SLC24A4: variants seen among roughly 807,000 people sequenced by gnomAD.
SLC24A4 encodes the protein solute carrier family 24 member 4.
A neutral mutation model predicts 79.0 loss-of-function variants in SLC24A4; 53 were observed. That is an observed-to-expected ratio of 0.67 (90% CI 0.54 to 0.84). The LOEUF (loss-of-function observed/expected upper bound fraction) is 0.84. Ranked by LOEUF, SLC24A4 falls within the 40% of genes least tolerant of loss-of-function variation. The probability of loss-of-function intolerance (pLI) is 0.00; values close to 1 mark genes in which losing one functional copy is unlikely to be tolerated. For synonymous variants in SLC24A4, 323 were observed against 323.8 expected (o/e 1.00, Z 0.03); for missense variants, 731 against 822.0 (o/e 0.89, Z 1.35).
intron 2 of SLC24A4, among the ~76,000 whole-genome samples, chr14:92,431,253 G>A (rs1891853623): frequency 1.3e-5 from 2 of 152,218 alleles, no homozygotes; most frequent in African/African-American, 2.4e-5. Flanking sequence ...GCCTGGCTGA[G>A]CTCAGTAGTA....
chr14:92,393,548 T>TTA (rs1333491159), intron 2 of SLC24A4, among the ~76,000 whole-genome samples: 1 of 120,798 alleles, frequency 8.3e-6, no homozygotes, highest in East Asian at 3.8e-4. Context: ...ACACACTCTT[T>TTA]TTTTTTTTTT....
intron 2 of SLC24A4, among the ~76,000 whole-genome samples, chr14:92,433,071 G>A (rs2139787954): frequency 6.6e-6 from 1 of 152,320 alleles, no homozygotes; most frequent in South Asian, 2.1e-4. Flanking sequence ...CCTGGCCTAG[G>A]TACTGAGGAT....
chr14:92,342,636 G>A (rs947157966), intron 2 of SLC24A4, among the ~76,000 whole-genome samples: 3 of 152,148 alleles, frequency 2.0e-5, no homozygotes, highest in Non-Finnish European at 4.4e-5. Flanking sequence ...ACCCGCCTCG[G>A]CCTCCCAAGT....
At chr14:92,334,924 C>T (rs912926432) in intron 2 of SLC24A4, among the ~76,000 whole-genome samples, 5 of 152,000 alleles carry the variant, frequency 3.3e-5, no homozygotes, top group African/African-American at 9.7e-5. Context: ...TCATCATCAT[C>T]GTCATCGAGG....
chr14:92,383,644 G>A (rs1177301358), intron 2 of SLC24A4, among the ~76,000 whole-genome samples: 1 of 152,186 alleles, frequency 6.6e-6, no homozygotes, highest in Non-Finnish European at 1.5e-5. Context: ...AACTTGCTGA[G>A]GGCAGAGAGA....
intron 12 of SLC24A4, among the ~76,000 whole-genome samples, chr14:92,467,345 T>C (rs1214013447): frequency 6.6e-6 from 1 of 152,048 alleles, no homozygotes; most frequent in Non-Finnish European, 1.5e-5. Flanking sequence ...CTTGACAAAA[T>C]CCAACACATT....
chr14:92,435,952 T>C (rs1892142504), intron 3 of SLC24A4, among the ~76,000 whole-genome samples: 2 of 152,198 alleles, frequency 1.3e-5, no homozygotes. Flanking sequence ...AAACCTCAGG[T>C]TTCTGCTGAA....
chr14:92,404,901 G>T (rs1337559638), intron 2 of SLC24A4, among the ~76,000 whole-genome samples: 1 of 151,732 alleles, frequency 6.6e-6, no homozygotes, highest in African/African-American at 2.4e-5. Context: ...CACATAATAG[G>T]TCCTCAGTAA....
At chr14:92,365,639 C>T (rs1887792043) in intron 2 of SLC24A4, among the ~76,000 whole-genome samples, 1 of 152,184 alleles carries the variant, frequency 6.6e-6, no homozygotes, top group Non-Finnish European at 1.5e-5. Context: ...CAGGCTTTTC[C>T]CCAGGGCCTG....
chr14:92,483,654 G>A (rs767213934), intron 13 of SLC24A4: 105 of 1,122,286 alleles, frequency 9.4e-5, no homozygotes, highest in Non-Finnish European at 1.2e-4. Context: ...GCTGGGTCAG[G>A]CCACACAGGA....
intron 16 of SLC24A4, 105 bp from the exon 17 acceptor site, chr14:92,493,371 C>G: frequency 7.2e-7 from 1 of 1,387,506 alleles, no homozygotes. Flanking sequence ...TGCCCACATT[C>G]TGCAGAATGT....
chr14:92,334,635 C>T (rs553818169), intron 2 of SLC24A4, among the ~76,000 whole-genome samples: 2 of 152,306 alleles, frequency 1.3e-5, no homozygotes, highest in Admixed American at 6.5e-5. Context: ...GTCTGTCTGT[C>T]TGTCTTGAAG....
Position 92,442,078 on chromosome 14 carries a change from T to C in SLC24A4, c.394-11T>C, listed in dbSNP as rs1892532221. On this transcript the variant is annotated splice_polypyrimidine_tract_variant and intron_variant, in intron 4 of 16. Coordinates refer to ENST00000532405, the MANE Select transcript of SLC24A4 (RefSeq NM_153646.4). ...TCACACCCTGAGGGTCTGTGGTCAC[T>C]TCCGTTTCAGAGACTCCATCTGAGC... 6.2e-7 allele frequency: 1 copy of C among 1,612,206 alleles called. No individual in the cohort carries two copies. The highest frequency in any genetic ancestry group is 8.5e-7 in the Non-Finnish European group (1 of 1,178,622).
intron 2 of SLC24A4, among the ~76,000 whole-genome samples, chr14:92,336,103 C>T (rs776336149): frequency 6.6e-6 from 1 of 152,134 alleles, no homozygotes; most frequent in African/African-American, 2.4e-5. Context: ...CTTGATGCAG[C>T]GTGGCCTACC....
At chr14:92,459,525 T>C (rs958504469) in intron 12 of SLC24A4, among the ~76,000 whole-genome samples, 1 of 152,106 alleles carries the variant, frequency 6.6e-6, no homozygotes, top group African/African-American at 2.4e-5. Context: ...CTGGGCTCAG[T>C]GCATGCCTGA....
At chr14:92,424,737 G>A (rs1380110063) in intron 2 of SLC24A4, among the ~76,000 whole-genome samples, 1 of 151,970 alleles carries the variant, frequency 6.6e-6, no homozygotes, top group East Asian at 1.9e-4. Context: ...TAAGCTGGAT[G>A]TGGGTATGGT....
chr14:92,489,949 G>A (rs553166256), intron 14 of SLC24A4, among the ~76,000 whole-genome samples: 1 of 152,330 alleles, frequency 6.6e-6, no homozygotes, highest in African/African-American at 2.4e-5. Flanking sequence ...CAGAAGTCCA[G>A]GTTCCCAGAG....
chr14:92,396,414 G>A (rs1010029298), intron 2 of SLC24A4, among the ~76,000 whole-genome samples: 1 of 152,228 alleles, frequency 6.6e-6, no homozygotes, highest in African/African-American at 2.4e-5. Context: ...AGAAACAGAT[G>A]AGGTTGGGTG....
intron 2 of SLC24A4, among the ~76,000 whole-genome samples, chr14:92,357,074 TA>T (rs1459591517): frequency 6.6e-6 from 1 of 152,248 alleles, no homozygotes; most frequent in Non-Finnish European, 1.5e-5. Context: ...ATTATTACAT[TA>T]TTCCCCCCAG....
Sources: gnomAD v4.1 joint callset for allele counts (sites outside exome capture counted in the v4.1 genomes callset) on GRCh38, gnomAD v4.1.1 for gene constraint, MANE v1.5 for transcripts, NCBI Gene and HGNC (gene_info 2026-07-23, HGNC 2026-07-21) for gene names.